The following TAP1 variants were observed in gnomAD, a reference collection of about 807,000 sequenced individuals.
TAP1 encodes the protein transporter 1, ATP binding cassette subfamily B member, also known as antigen peptide transporter 1.
A neutral mutation model predicts 79.3 loss-of-function variants in TAP1; 56 were observed. The ratio of observed to expected loss-of-function variants is 0.71; its 90% CI spans 0.57 to 0.88. The LOEUF (loss-of-function observed/expected upper bound fraction) is 0.88. Ranked by LOEUF, TAP1 falls within the 40% of genes least tolerant of loss-of-function variation. The pLI, the probability that TAP1 is intolerant of heterozygous loss-of-function variation, is 0.00. For missense variants in TAP1, 737 were observed against 936.3 expected, an observed-to-expected ratio of 0.79 and a Z score of 2.78; for synonymous variants, 355 against 401.4, an observed-to-expected ratio of 0.88 and a Z score of 1.38.
At position 32,851,115 on chromosome 6, in the gene TAP1, G is replaced by A. The variant is rs149701253; in HGVS notation, c.879C>T (p.Ser293=). 1.4e-5 allele frequency: 23 copies of A among 1,612,880 alleles called. No individual in the cohort carries two copies. The highest frequency in any genetic ancestry group is 1.6e-5 in the Non-Finnish European group (19 of 1,180,022). ...TCTCACTCAGAGAATCACTCAGGGT[G>A]GACGTGTCCTCTGTTACCCGAGACA... is the stretch of plus-strand genomic sequence containing the variant. ...NIMSRVTEDT[S]TLSDSLSENL... Residue 293 remains serine (S), a synonymous_variant, in exon 4 of 11, where the codon TCC becomes TCT. Transcript: ENST00000354258. The surrounding 1 kb of genome is among the most constrained non-coding windows in gnomAD (Gnocchi z 4.8).
In TAP1 at chr6:32,850,930, C is replaced by T; in HGVS notation, c.1050+14G>A. 6.2e-7 allele frequency: 1 copy of T among 1,609,482 alleles called. No homozygotes were observed. Among genetic ancestry groups the T allele is most frequent in the South Asian group, 1.1e-5 (1 of 90,902 alleles). On this transcript the variant is annotated intron_variant, in intron 4 of 10. Transcript: ENST00000354258. This position sits in a 1 kb window ranked among gnomAD's most constrained non-coding sequence, Gnocchi z 5.5. ...TGAGGGTCTGTGTAGAGCGGGCCAACTCCATGAACATACCTGGTACCATTT... is the reference window on the plus strand; with the variant it reads ...TGAGGGTCTGTGTAGAGCGGGCCAATTCCATGAACATACCTGGTACCATTT...
chr6:32,850,365 G>C lies in TAP1; in HGVS notation c.1203C>G (p.Asn401Lys), dbSNP rs756823000. Residue 401 changes from asparagine (N) to lysine (K), a missense_variant, in exon 5 of 11, where the codon AAC (asparagine) becomes AAG (lysine). Coordinates refer to ENST00000354258, the MANE Select transcript of TAP1 (RefSeq NM_000593.6). This position sits in a 1 kb window ranked among gnomAD's most constrained non-coding sequence, Gnocchi z 5.5. ...CTGCATAGGCCACAGCCTCCTTCTG[G>C]TTGAGTGTCTTTATTTCTTGCAGCT... ...REKLQEIKTLNQKEAVAYAVN... is the reference protein window; with the variant it reads ...REKLQEIKTLKQKEAVAYAVN... The C allele has an allele frequency of 2.5e-5, 40 of 1,614,134 alleles. No individual in the cohort carries two copies. The highest frequency in any genetic ancestry group is 3.2e-5 in the Non-Finnish European group (38 of 1,180,058).
chr6:32,850,958 C>G lies in TAP1; in HGVS notation c.1036G>C (p.Gly346Arg), dbSNP rs1383698129. Residue 346 changes from glycine (G) to arginine (R), a missense_variant, in exon 4 of 11, where the codon GGA becomes CGA. Transcript: ENST00000354258. The surrounding 1 kb of genome is among the most constrained non-coding windows in gnomAD (Gnocchi z 5.5). ...PLLFLLPKKV[G>R]KWYQLLEVQV... ...CATGAACATACCTGGTACCATTTTC[C>G]CACCTTCTTGGGCAGAAGGAAAAGC... is the stretch of plus-strand genomic sequence containing the variant. 7 of 1,612,652 alleles carry G rather than the reference C, an allele frequency of 4.3e-6. No homozygotes were observed. The highest frequency in any genetic ancestry group is 5.1e-6 in the Non-Finnish European group (6 of 1,180,002).
Position 32,852,857 on chromosome 6 carries a change from T to C in TAP1, c.598+182A>G. 6.9e-7 allele frequency: 1 copy of C among 1,439,462 alleles called. No individual in the cohort carries two copies. 89.2% of individuals were successfully genotyped at this position (1,439,462 alleles called of 1,614,324 possible). On this transcript the variant is annotated intron_variant, in intron 1 of 10. Coordinates refer to ENST00000354258, the MANE Select transcript of TAP1 (RefSeq NM_000593.6). This position sits in a 1 kb window ranked among gnomAD's most constrained non-coding sequence, Gnocchi z 4.8. ...GGTCAGCAATGGAGCCCAGAACCTC[T>C]GGCCCCCGCCAGTCCAGTGCCGTTT... is the stretch of plus-strand genomic sequence containing the variant.
rs1770885452 is a variant in TAP1, at chr6:32,852,992, G to A, written c.598+47C>T. ...TTACTGACAATTACCTTTGATTCCTGTCCCAGTCCCCTTGTGTCCTCCCCT... is the reference window on the plus strand; with the variant it reads ...TTACTGACAATTACCTTTGATTCCTATCCCAGTCCCCTTGTGTCCTCCCCT... On this transcript the variant is annotated intron_variant, in intron 1 of 10. Coordinates refer to ENST00000354258, the MANE Select transcript of TAP1 (RefSeq NM_000593.6). This position sits in a 1 kb window ranked among gnomAD's most constrained non-coding sequence, Gnocchi z 4.8. 2 of 1,566,100 alleles carry A rather than the reference G, an allele frequency of 1.3e-6. No homozygotes were observed. The highest frequency in any genetic ancestry group is 1.7e-6 in the Non-Finnish European group (2 of 1,159,564).
Position 32,845,450 on chromosome 6 carries a change from G to T in TAP1, c.*129C>A. The T allele has an allele frequency of 2.3e-6, 2 of 866,196 alleles. No individual in the cohort carries two copies. The highest frequency in any genetic ancestry group is 1.9e-6 in the Non-Finnish European group (1 of 525,282). The allele number at this position is 866,196 out of a possible 1,614,324, so 53.7% of individuals were successfully genotyped here. A position where few individuals can be genotyped will look rare whatever the true frequency, so the allele number is the denominator to read the frequency against. On this transcript the variant is annotated 3_prime_UTR_variant, in exon 11 of 11. Coordinates refer to ENST00000354258, the MANE Select transcript of TAP1 (RefSeq NM_000593.6). The surrounding 1 kb of genome is among the most constrained non-coding windows in gnomAD (Gnocchi z 4.5). ...GCATTATCACGAGGAGCTTGGAAAG[G>T]AGGTAACACACTCAAGGCAAATTTC...
Position 32,847,640 on chromosome 6 carries a change from T to C in TAP1, c.1776A>G (p.Gly592=). Residue 592 remains glycine (G), a synonymous_variant, in exon 9 of 11, where the codon GGA becomes GGG. Coordinates refer to ENST00000354258, the MANE Select transcript of TAP1 (RefSeq NM_000593.6). The surrounding 1 kb of genome is among the most constrained non-coding windows in gnomAD (Gnocchi z 4.7). The part of the protein sequence containing the change: ...AAVGQEPQVF[G]RSLQENIAYG... Reference sequence around the variant, plus strand: ...AGGCAATATTTTCTTGAAGACTTCTTCCAAATACCTGTGGCTCTTGTCCCA... The same window carrying C: ...AGGCAATATTTTCTTGAAGACTTCTCCCAAATACCTGTGGCTCTTGTCCCA... 1 of 1,613,964 alleles carries C rather than the reference T, an allele frequency of 6.2e-7. No individual in the cohort carries two copies.
Position 32,853,137 on chromosome 6 carries a change from C to A in TAP1, c.500G>T (p.Gly167Val). The A allele has an allele frequency of 6.2e-7, 1 of 1,612,720 alleles. No individual in the cohort carries two copies. Among genetic ancestry groups the A allele is most frequent in the Non-Finnish European group, 8.5e-7 (1 of 1,179,928 alleles). The change falls in exon 1 of 11, where the codon GGC becomes GTC. Residue 167 changes from glycine to valine, a missense_variant. Around this residue, in one of 5 missense-constraint regions of TAP1, gnomAD observed 406 missense variants for 477.2 expected, o/e 0.85. Coordinates refer to ENST00000354258, the MANE Select transcript of TAP1 (RefSeq NM_000593.6). This position sits in a 1 kb window ranked among gnomAD's most constrained non-coding sequence, Gnocchi z 8.3. ...CCGACGCACAGGGTTTCCAGAGCCGCCCTGACCGCCGGGCACCCAGAGGCT... is the reference window on the plus strand; with the variant it reads ...CCGACGCACAGGGTTTCCAGAGCCGACCTGACCGCCGGGCACCCAGAGGCT... Reference protein sequence around the residue: ...LGSLWVPGGQGGSGNPVRRLL... With the variant: ...LGSLWVPGGQVGSGNPVRRLL...
At chr6:32,846,915 A>G (rs1378975558) in intron 10 of TAP1, among the ~76,000 whole-genome samples, 153 bp downstream of exon 10, 2 of 152,024 alleles carry the variant, frequency 1.3e-5, no homozygotes, top group African/African-American at 4.8e-5. Flanking sequence ...TTCTATCTCT[A>G]CTCCTTGGGG....
At chr6:32,846,712 G>A (rs111876139) in intron 10 of TAP1, among the ~76,000 whole-genome samples, 4,291 of 152,126 alleles carry the variant, frequency 0.028, 65 homozygotes, top group South Asian at 0.034. Flanking sequence ...CCAGCTACTC[G>A]GGAGGCTGAG....
rs756843631 is a variant in TAP1 at position 32,847,190 on chromosome 6, C to T, written c.1918G>A (p.Gly640Arg). 4 of 1,612,076 alleles carry T rather than the reference C, an allele frequency of 2.5e-6. No homozygotes were observed. The East Asian group carries it at 6.7e-5, about 27-fold the overall frequency. The change falls in exon 10 of 11, where the codon GGG becomes AGG. Residue 640 changes from glycine (G) to arginine (R), a missense_variant. By Grantham distance (125) the Gly-to-Arg change is moderately radical. Coordinates refer to ENST00000354258, the MANE Select transcript of TAP1 (RefSeq NM_000593.6). This position sits in a 1 kb window ranked among gnomAD's most constrained non-coding sequence, Gnocchi z 4.7. The stretch of plus-strand genomic sequence containing the variant: ...CGCTGACCCCCTGACAGCTGGCTCC[C>T]AGCCTCGTCTACCTCTGCAGAGCAA... ...QGYDTEVDEA[G>R]SQLSGGQRQA... is the part of the protein sequence containing the mutation.
chr6:32,845,437 G>A lies in TAP1; in HGVS notation c.*142C>T, dbSNP rs3198005. The A allele has an allele frequency of 0.041, 32,268 of 793,664 alleles. 884 individuals carry two copies. Among genetic ancestry groups the A allele is most frequent in the Non-Finnish European group, 0.054 (24,959 of 464,922 alleles). 49.2% of individuals were successfully genotyped at this position (793,664 alleles called of 1,614,324 possible). ...CTCCAGGAAGTCTGCATTATCACGAGGAGCTTGGAAAGGAGGTAACACACT... is the reference window on the plus strand; with the variant it reads ...CTCCAGGAAGTCTGCATTATCACGAAGAGCTTGGAAAGGAGGTAACACACT... On this transcript the variant is annotated 3_prime_UTR_variant, in exon 11 of 11. Coordinates refer to ENST00000354258, the MANE Select transcript of TAP1 (RefSeq NM_000593.6). This position sits in a 1 kb window ranked among gnomAD's most constrained non-coding sequence, Gnocchi z 4.5.
In TAP1 at chr6:32,852,031, G is replaced by A. The variant is rs1222203601; in HGVS notation, c.844+78C>T. ...TATGTGTGTGTGAGAGAGAGAGAGC[G>A]GGGAGGGGGGAGATCAAAGCAGATG... is the stretch of plus-strand genomic sequence containing the variant. On this transcript the variant is annotated intron_variant, in intron 3 of 10. Transcript: ENST00000354258. This position sits in a 1 kb window ranked among gnomAD's most constrained non-coding sequence, Gnocchi z 4.8. 11 of 1,585,620 alleles carry A rather than the reference G, an allele frequency of 6.9e-6. No homozygotes were observed. The highest frequency in any genetic ancestry group is 3.3e-5 in the South Asian group (3 of 90,482).
chr6:32,852,025 G>A lies in TAP1; in HGVS notation c.844+84C>T. 3 of 1,577,000 alleles carry A rather than the reference G, an allele frequency of 1.9e-6. No homozygotes were observed. The highest frequency in any genetic ancestry group is 2.2e-5 in the South Asian group (2 of 90,224). On this transcript the variant is annotated intron_variant, in intron 3 of 10. Transcript: ENST00000354258. This position sits in a 1 kb window ranked among gnomAD's most constrained non-coding sequence, Gnocchi z 4.8. ...TGTGTGTATGTGTGTGTGAGAGAGA[G>A]AGAGCGGGGAGGGGGGAGATCAAAG...
At position 32,852,969 on chromosome 6, in the gene TAP1, A is replaced by G; in HGVS notation, c.598+70T>C. 1 of 1,538,218 alleles carries G rather than the reference A, an allele frequency of 6.5e-7. No individual in the cohort carries two copies. The highest frequency in any genetic ancestry group is 8.7e-7 in the Non-Finnish European group (1 of 1,146,674). On this transcript the variant is annotated intron_variant, in intron 1 of 10. Transcript: ENST00000354258. This position sits in a 1 kb window ranked among gnomAD's most constrained non-coding sequence, Gnocchi z 4.8. ...CCCAGAACCCACGCTACTCTACCTTACTGACAATTACCTTTGATTCCTGTC... is the reference window on the plus strand; with the variant it reads ...CCCAGAACCCACGCTACTCTACCTTGCTGACAATTACCTTTGATTCCTGTC...
chr6:32,849,922 G>T, intron 5 of TAP1: 1 of 309,418 alleles, frequency 3.2e-6, no homozygotes, highest in Non-Finnish European at 6.2e-6. Context: ...GTGCATCACA[G>T]ATGTCCCTCA....
At position 32,851,951 on chromosome 6, in the gene TAP1, CAG is replaced by C. The variant is rs148278016; in HGVS notation, c.844+156_844+157del. Among the ~76,000 whole-genome samples the C allele has an allele frequency of 2.3e-5, 3 of 129,494 alleles. No individual in the cohort carries two copies. The highest frequency in any genetic ancestry group is 3.4e-5 in the Non-Finnish European group (2 of 58,810). 85.0% of individuals were successfully genotyped at this position (129,494 alleles called of 152,430 possible). ...AGAGAGAGAGAGAGAGAGACAGAGA[CAG>C]AGAGAGAGAGACAGGGAGAGGGTAT... On this transcript the variant is annotated intron_variant, in intron 3 of 10. Transcript: ENST00000354258. This position sits in a 1 kb window ranked among gnomAD's most constrained non-coding sequence, Gnocchi z 4.8.
In TAP1 at chr6:32,851,194, C is replaced by A; in HGVS notation, c.845-45G>T. 1 of 1,588,490 alleles carries A rather than the reference C, an allele frequency of 6.3e-7. No homozygotes were observed. Among genetic ancestry groups the A allele is most frequent in the Admixed American group, 1.7e-5 (1 of 58,628 alleles). ...AGAGTGAGGTGAATCAGACAGGTTC[C>A]AAGTGATGAGACGAACTAACAATGA... On this transcript the variant is annotated intron_variant, in intron 3 of 10. Transcript: ENST00000354258. The surrounding 1 kb of genome is among the most constrained non-coding windows in gnomAD (Gnocchi z 4.8).
At position 32,852,259 on chromosome 6, in the gene TAP1, AAAG is replaced by A; in HGVS notation, c.714-23_714-21del. 1 of 1,612,980 alleles carries A rather than the reference AAAG, an allele frequency of 6.2e-7. No individual in the cohort carries two copies. Among genetic ancestry groups the A allele is most frequent in the Non-Finnish European group, 8.5e-7 (1 of 1,179,998 alleles). On this transcript the variant is annotated intron_variant, in intron 2 of 10. Coordinates refer to ENST00000354258, the MANE Select transcript of TAP1 (RefSeq NM_000593.6). The surrounding 1 kb of genome is among the most constrained non-coding windows in gnomAD (Gnocchi z 4.8). The stretch of plus-strand genomic sequence containing the variant: ...ACTGCACTATAAAGAACCCGGAAAA[AAAG>A]GGGATCAGGGTGTGTTCAGGGAACA...
Sources: gnomAD v4.1 joint callset for allele counts (sites outside exome capture counted in the v4.1 genomes callset) on GRCh38, gnomAD v4.1.1 for gene constraint, gnomAD v4.1.1 regional missense constraint, Gnocchi (gnomAD v3.1) non-coding constraint, MANE v1.5 for transcripts, NCBI Gene and HGNC (gene_info 2026-07-23, HGNC 2026-07-21) for gene names.